The following NKAIN2 variants were observed in gnomAD, a reference collection of about 807,000 sequenced individuals.
NKAIN2 encodes sodium/potassium transporting ATPase interacting 2.
A neutral mutation model predicts 32.6 loss-of-function variants in NKAIN2; 14 were observed. The observed-to-expected ratio is 0.43, with a 90% CI of 0.28 to 0.67. The LOEUF (loss-of-function observed/expected upper bound fraction) is 0.67, where lower values mean the gene tolerates loss of function less well. Among genes scored for constraint, NKAIN2 ranks in the 30% least tolerant of loss-of-function variants. The probability of loss-of-function intolerance (pLI) is 0.17; values close to 1 mark genes in which losing one functional copy is unlikely to be tolerated. For missense variants in NKAIN2, 198 were observed against 258.3 expected (o/e 0.77, Z 1.60); for synonymous variants, 80 against 87.2 (o/e 0.92, Z 0.46).
chr6:124,601,050 T>C (rs1287801927), intron 3 of NKAIN2, among the ~76,000 whole-genome samples: 1 of 152,030 alleles, frequency 6.6e-6, no homozygotes, highest in Non-Finnish European at 1.5e-5. Context: ...GACAAAATTA[T>C]CATAGAGATA....
At chr6:124,792,179 G>T (rs538187209) in intron 5 of NKAIN2, among the ~76,000 whole-genome samples, 15 of 152,210 alleles carry the variant, frequency 9.9e-5, no homozygotes, top group African/African-American at 3.1e-4. Flanking sequence ...GGAAAAATCA[G>T]AATTGGGAAT....
At chr6:124,361,681 G>A (rs1469201627) in intron 3 of NKAIN2, among the ~76,000 whole-genome samples, 1 of 151,992 alleles carries the variant, frequency 6.6e-6, no homozygotes, top group African/African-American at 2.4e-5. Context: ...TTGAAAATTT[G>A]TTATATAAAA....
chr6:124,228,705 T>A (rs985519681), intron 1 of NKAIN2, among the ~76,000 whole-genome samples: 6 of 152,134 alleles, frequency 3.9e-5, no homozygotes, highest in Non-Finnish European at 7.4e-5. Flanking sequence ...AGAAAGAAAG[T>A]CTCTTACCCA....
At chr6:124,686,076 G>C (rs1213578977) in intron 4 of NKAIN2, among the ~76,000 whole-genome samples, 1 of 152,070 alleles carries the variant, frequency 6.6e-6, no homozygotes, top group Non-Finnish European at 1.5e-5. Context: ...TGTAGGACTG[G>C]GGGCTTTGGT....
At chr6:124,362,399 T>C (rs1188133225) in intron 3 of NKAIN2, among the ~76,000 whole-genome samples, 3 of 152,158 alleles carry the variant, frequency 2.0e-5, no homozygotes, top group African/African-American at 7.2e-5. Flanking sequence ...ATCTCTCTTC[T>C]CTCGTTTTCC....
chr6:124,455,801 A>T (rs1776297899), intron 3 of NKAIN2, among the ~76,000 whole-genome samples: 1 of 151,902 alleles, frequency 6.6e-6, no homozygotes, highest in African/African-American at 2.4e-5. Flanking sequence ...TGTAATATAA[A>T]TATATACAGA....
chr6:124,412,937 A>G (rs1204348902), intron 3 of NKAIN2, among the ~76,000 whole-genome samples: 1 of 152,156 alleles, frequency 6.6e-6, no homozygotes, highest in African/African-American at 2.4e-5. Context: ...TGTGTTAGCA[A>G]TGAGCAAGGC....
chr6:124,430,494 A>G (rs1367338079), intron 3 of NKAIN2, among the ~76,000 whole-genome samples: 2 of 152,100 alleles, frequency 1.3e-5, no homozygotes, highest in East Asian at 1.9e-4. Flanking sequence ...CAGTCTTCTA[A>G]GGCACACTCA....
intron 1 of NKAIN2, among the ~76,000 whole-genome samples, chr6:124,216,407 A>G (rs1010416456): frequency 6.6e-5 from 10 of 152,162 alleles, no homozygotes; most frequent in Non-Finnish European, 1.3e-4. Context: ...TATTCACGGC[A>G]CTTTTGCAGG....
chr6:124,020,098 A>G (rs1181180994), intron 1 of NKAIN2, among the ~76,000 whole-genome samples: 1 of 152,112 alleles, frequency 6.6e-6, no homozygotes, highest in Non-Finnish European at 1.5e-5. Context: ...TCCTTATGAT[A>G]TTTGAACAGA....
chr6:123,853,699 C>G (rs547605422), intron 1 of NKAIN2, among the ~76,000 whole-genome samples: 3 of 150,756 alleles, frequency 2.0e-5, no homozygotes, highest in African/African-American at 7.3e-5. Context: ...ATCAGACTAG[C>G]AAAATAATTC....
chr6:124,759,944 G>C (rs1778181846), intron 4 of NKAIN2, among the ~76,000 whole-genome samples: 1 of 151,900 alleles, frequency 6.6e-6, no homozygotes, highest in African/African-American at 2.4e-5. Flanking sequence ...AGAGGCACAG[G>C]AATAAAAGGA....
intron 3 of NKAIN2, among the ~76,000 whole-genome samples, chr6:124,510,249 C>A (rs1778659711): frequency 6.6e-6 from 1 of 151,880 alleles, no homozygotes; most frequent in Admixed American, 6.6e-5. Context: ...AATTATGGAA[C>A]CTTGTTCCTT....
At chr6:124,543,061 A>G (rs1274641926) in intron 3 of NKAIN2, among the ~76,000 whole-genome samples, 2 of 152,098 alleles carry the variant, frequency 1.3e-5, no homozygotes, top group Non-Finnish European at 2.9e-5. Context: ...CTTGGTGAAT[A>G]TTAAATAATA....
intron 2 of NKAIN2, among the ~76,000 whole-genome samples, chr6:124,326,398 C>G (rs1380817368): frequency 6.6e-6 from 1 of 152,144 alleles, no homozygotes; most frequent in African/African-American, 2.4e-5. Context: ...ACAGCTTCCT[C>G]ACTCCAGGGT....
intron 1 of NKAIN2, among the ~76,000 whole-genome samples, chr6:123,840,385 T>C (rs1774820115): frequency 6.6e-6 from 1 of 152,116 alleles, no homozygotes; most frequent in Non-Finnish European, 1.5e-5. Context: ...TTTTTCCTTT[T>C]AATCAAAGAT....
At chr6:124,381,444 G>A (rs62436262) in intron 3 of NKAIN2, among the ~76,000 whole-genome samples, 7,282 of 152,144 alleles carry the variant, frequency 0.048, 287 homozygotes, top group Non-Finnish European at 0.068. Context: ...CATTTATTTG[G>A]AAGAAAGCCA....
At chr6:124,039,774 C>T (rs1353721951) in intron 1 of NKAIN2, among the ~76,000 whole-genome samples, 2 of 151,880 alleles carry the variant, frequency 1.3e-5, no homozygotes, top group Non-Finnish European at 1.5e-5. Context: ...AAACTTCCTA[C>T]AAAAAGATAA....
At chr6:123,970,867 G>A (rs918263695) in intron 1 of NKAIN2, among the ~76,000 whole-genome samples, 1 of 151,948 alleles carries the variant, frequency 6.6e-6, no homozygotes, top group Non-Finnish European at 1.5e-5. Flanking sequence ...GGTCGACGAA[G>A]TGAATCTCTG....
Sources: gnomAD v4.1 joint callset for allele counts (sites outside exome capture counted in the v4.1 genomes callset) on GRCh38, gnomAD v4.1.1 for gene constraint, MANE v1.5 for transcripts, NCBI Gene and HGNC (gene_info 2026-07-23, HGNC 2026-07-21) for gene names.